The following HDAC2 variants were observed in gnomAD, a reference collection of about 807,000 sequenced individuals.
HDAC2 encodes YY1-associated factor 1.
Under a neutral mutation model 68.5 loss-of-function variants are expected in HDAC2, and 5 were observed. The observed-to-expected ratio is 0.07, with a 90% CI of 0.04 to 0.15. HDAC2 has a LOEUF of 0.15. Among genes scored for constraint, HDAC2 ranks in the 10% least tolerant of loss-of-function variants. The pLI, the probability that HDAC2 is intolerant of heterozygous loss-of-function variation, is 1.00. For missense variants in HDAC2, 291 were observed against 600.8 expected (o/e 0.48, Z 5.39); for synonymous variants, 182 against 191.3 (o/e 0.95, Z 0.40).
rs1776341597 is a variant in HDAC2 at position 113,949,273 on chromosome 6, A to T, written c.640-13T>A. On this transcript the variant is annotated splice_polypyrimidine_tract_variant and intron_variant, in intron 6 of 13. Transcript: ENST00000519065. ...CAGCACCAATATCCTAAAATACATAATTAAACTGATCTTAGAGAATATTCT... is the reference window on the plus strand; with the variant it reads ...CAGCACCAATATCCTAAAATACATATTTAAACTGATCTTAGAGAATATTCT... The T allele has an allele frequency of 3.5e-6, 5 of 1,424,050 alleles. No homozygotes were observed. The East Asian group carries it at 9.1e-5, about 26-fold the overall frequency. The allele number at this position is 1,424,050 out of a possible 1,614,324, so 88.2% of individuals were successfully genotyped here. A position where few individuals can be genotyped will look rare whatever the true frequency, so the allele number is the denominator to read the frequency against.
intron 2 of HDAC2, 150 bp from the exon 3 acceptor site, chr6:113,958,916 A>C (rs891557036): frequency 2.9e-6 from 2 of 680,494 alleles, no homozygotes; most frequent in Non-Finnish European, 2.6e-6. Flanking sequence ...ACCCAAACTT[A>C]TATGTGTTTT....
chr6:113,953,283 G>A lies in HDAC2; in HGVS notation c.633C>T (p.Asp211=). The change falls in exon 6 of 14, where the codon GAC becomes GAT. Residue 211 remains aspartate, a synonymous_variant. Coordinates refer to ENST00000519065, the MANE Select transcript of HDAC2 (RefSeq NM_001527.4). ...KYGEYFPGTG[D]LRDIGAGKGK... ...AGACAGAATTTAGTCTTACCCTCAA[G>A]TCTCCTGTGCCAGGAAAGTATTCCC... The A allele has an allele frequency of 6.2e-7, 1 of 1,608,704 alleles. No homozygotes were observed. The highest frequency in any genetic ancestry group is 8.5e-7 in the Non-Finnish European group (1 of 1,176,058).
At chr6:113,957,723 G>A (rs1272971751) in intron 3 of HDAC2, among the ~76,000 whole-genome samples, 2 of 151,862 alleles carry the variant, frequency 1.3e-5, no homozygotes, top group African/African-American at 4.8e-5. Context: ...CCTGACCTCA[G>A]GTAATCCACT....
At chr6:113,965,630 C>T (rs745600851) in intron 1 of HDAC2, among the ~76,000 whole-genome samples, 18 of 152,198 alleles carry the variant, frequency 1.2e-4, no homozygotes, top group African/African-American at 4.1e-4. Flanking sequence ...CTCGGCTTCC[C>T]AAAGTGCTGG....
chr6:113,970,030 A>C (rs1487987645), intron 1 of HDAC2: 1 of 152,244 alleles, frequency 6.6e-6, no homozygotes, highest in Non-Finnish European at 1.5e-5. Context: ...TAGCAGTTCC[A>C]CATCTCCCTA....
In HDAC2 at chr6:113,953,328, C is replaced by T. The variant is rs969243041; in HGVS notation, c.588G>A (p.Thr196=). The T allele has an allele frequency of 1.1e-5, 18 of 1,603,812 alleles. No individual in the cohort carries two copies. The highest frequency in any genetic ancestry group is 1.3e-5 in the Non-Finnish European group (15 of 1,171,108). Residue 196 remains threonine (T), a synonymous_variant, in exon 6 of 14, where the codon ACG becomes ACA. Coordinates refer to ENST00000519065, the MANE Select transcript of HDAC2 (RefSeq NM_001527.4). Reference sequence around the variant, plus strand: ...ATTCCCCATATTTATGGAATGATACCGTCATTACACGATCTGTTGTATAAA... The same window carrying T: ...ATTCCCCATATTTATGGAATGATACTGTCATTACACGATCTGTTGTATAAA... ...EAFYTTDRVM[T]VSFHKYGEYF...
At chr6:113,945,261 A>G (rs1776242236) in intron 10 of HDAC2, 101 bp downstream of exon 10, 2 of 515,132 alleles carry the variant, frequency 3.9e-6, no homozygotes, top group Non-Finnish European at 6.9e-6. Context: ...AAAACAAAAT[A>G]TCTAATAAAG....
At chr6:113,962,291 A>G in intron 1 of HDAC2, 1 of 278,626 alleles carries the variant, frequency 3.6e-6, no homozygotes, top group East Asian at 1.7e-4. Flanking sequence ...TGGAGGAGCT[A>G]GATTCAAACT....
chr6:113,941,285 C>T (rs558512060), intron 13 of HDAC2, among the ~76,000 whole-genome samples, 197 bp from the exon 14 acceptor site: 3 of 152,178 alleles, frequency 2.0e-5, no homozygotes, highest in African/African-American at 7.2e-5. Context: ...CCTGTAAAGG[C>T]TGGCACAAAA....
At chr6:113,967,381 A>T (rs910462390) in intron 1 of HDAC2, among the ~76,000 whole-genome samples, 2 of 152,184 alleles carry the variant, frequency 1.3e-5, no homozygotes, top group African/African-American at 4.8e-5. Flanking sequence ...TGCCTGCCTC[A>T]GTCTCCCAAA....
chr6:113,955,455 C>T (rs140105354), intron 5 of HDAC2, among the ~76,000 whole-genome samples: 1 of 152,170 alleles, frequency 6.6e-6, no homozygotes, highest in Non-Finnish European at 1.5e-5. Context: ...TCATAATCCA[C>T]CCACCTCGTC....
intron 1 of HDAC2, among the ~76,000 whole-genome samples, chr6:113,964,515 G>C (rs891404778): frequency 1.3e-5 from 2 of 152,024 alleles, no homozygotes; most frequent in South Asian, 4.1e-4. Context: ...AATAAATCAA[G>C]AGCCTACCAT....
At chr6:113,955,159 A>G (rs1776521042) in intron 5 of HDAC2, among the ~76,000 whole-genome samples, 1 of 152,226 alleles carries the variant, frequency 6.6e-6, no homozygotes, top group African/African-American at 2.4e-5. Flanking sequence ...GAAAATTGCC[A>G]AACTACTTTT....
intron 10 of HDAC2, 36 bp downstream of exon 10, chr6:113,945,326 T>A (rs560991287): frequency 1.2e-5 from 12 of 987,488 alleles, no homozygotes; most frequent in Non-Finnish European, 1.6e-5. Context: ...TTTGTCAAGA[T>A]AAAATGTTTA....
chr6:113,947,522 ACTG>A (rs1486120325), intron 8 of HDAC2: 2 of 152,166 alleles, frequency 1.3e-5, no homozygotes, highest in Non-Finnish European at 2.9e-5. Context: ...CTAAGAGTGA[ACTG>A]CTGCAGTTTA....
In HDAC2 at chr6:113,940,483, G is replaced by A. The variant is rs1362944276; in HGVS notation, c.*575C>T. 5 of 152,256 alleles carry A rather than the reference G, an allele frequency of 3.3e-5. No individual in the cohort carries two copies. Among genetic ancestry groups the A allele is most frequent in the Non-Finnish European group, 7.3e-5 (5 of 68,070 alleles). 9.4% of individuals were successfully genotyped at this position (152,256 alleles called of 1,614,324 possible). ...ATTATTTCATAAATTGTAATGGGAT[G>A]TTAATCTTCACTGATACTAACTGGC... On this transcript the variant is annotated 3_prime_UTR_variant, in exon 14 of 14. Coordinates refer to ENST00000519065, the MANE Select transcript of HDAC2 (RefSeq NM_001527.4).
chr6:113,957,060 G>C (rs73766805), intron 3 of HDAC2: 91 of 164,408 alleles, frequency 5.5e-4, no homozygotes, highest in African/African-American at 2.1e-3. Context: ...AACTTCAATT[G>C]CTTTATAATT....
At chr6:113,944,603 T>A (rs769679076) in intron 10 of HDAC2, among the ~76,000 whole-genome samples, 193 bp from the exon 11 acceptor site, 4 of 152,060 alleles carry the variant, frequency 2.6e-5, no homozygotes, top group African/African-American at 2.4e-5. Flanking sequence ...CTCCTGGCAA[T>A]CCTCCTGCCT....
rs2114579600 is a variant in HDAC2 at position 113,937,371 on chromosome 6, G to A, written c.*3687C>T. 6.6e-6 allele frequency: 1 copy of A among 152,320 alleles called. No individual in the cohort carries two copies. Among genetic ancestry groups the A allele is most frequent in the South Asian group, 2.1e-4 (1 of 4,822 alleles). The allele number at this position is 152,320 out of a possible 1,614,324, so 9.4% of individuals were successfully genotyped here. A position where few individuals can be genotyped will look rare whatever the true frequency, so the allele number is the denominator to read the frequency against. On this transcript the variant is annotated 3_prime_UTR_variant, in exon 14 of 14. Transcript: ENST00000519065. The stretch of plus-strand genomic sequence containing the variant: ...TGACAGAATGCTAGCAGCTCTGGTA[G>A]AAGGGCAAAGCTTAGATATGATGTA...
Sources: allele counts gnomAD v4.1 joint callset (sites outside exome capture counted in the v4.1 genomes callset), GRCh38; gene constraint gnomAD v4.1.1; transcripts MANE v1.5; gene names NCBI Gene and HGNC (gene_info 2026-07-23, HGNC 2026-07-21).